The following LRMDA variants were observed in gnomAD, a reference collection of about 807,000 sequenced individuals.
The protein encoded by LRMDA is leucine-rich melanocyte differentiation-associated protein.
Under a neutral mutation model 29.8 loss-of-function variants are expected in LRMDA, and 18 were observed. The observed-to-expected ratio is 0.60, with a 90% CI of 0.42 to 0.90. LRMDA has a LOEUF of 0.90. LRMDA is among the 40% of genes least tolerant of loss of function. The pLI is 0.00. For synonymous variants in LRMDA, 125 were observed against 109.4 expected (o/e 1.14, Z -0.89); for missense variants, 273 against 273.9 (o/e 1.00, Z 0.02).
At chr10:75,535,115 T>C (rs1249919801) in intron 2 of LRMDA, among the ~76,000 whole-genome samples, 1 of 152,188 alleles carries the variant, frequency 6.6e-6, no homozygotes, top group African/African-American at 2.4e-5. Flanking sequence ...GACAGTTCTT[T>C]TTATCTTCTA....
chr10:76,399,752 C>T (rs1237088570), intron 6 of LRMDA, among the ~76,000 whole-genome samples: 1 of 152,128 alleles, frequency 6.6e-6, no homozygotes, highest in Non-Finnish European at 1.5e-5. Context: ...TTATTTTCTC[C>T]CTTGTCTTTA....
At chr10:75,736,039 C>T (rs1589178134) in intron 2 of LRMDA, among the ~76,000 whole-genome samples, 1 of 152,272 alleles carries the variant, frequency 6.6e-6, no homozygotes, top group African/African-American at 2.4e-5. Context: ...GGATAGGATA[C>T]ATCAGCTTCT....
rs532890380 is a variant in LRMDA, at chr10:75,503,187, T to G, written c.131+64693T>G. On this transcript the variant is annotated intron_variant, in intron 2 of 6. Transcript: ENST00000611255. ...GCCCACTGTTAGTTGATAGCCTGTT[T>G]TTTTTTTTTTTATTATTACAGGTAC... Among the ~76,000 whole-genome samples the G allele has an allele frequency of 3.3e-5, 5 of 152,144 alleles. No individual in the cohort carries two copies. The East Asian group carries it at 7.7e-4, about 23-fold the overall frequency.
chr10:76,263,565 G>T (rs1323748922), intron 5 of LRMDA, among the ~76,000 whole-genome samples: 1 of 152,128 alleles, frequency 6.6e-6, no homozygotes, highest in African/African-American at 2.4e-5. Flanking sequence ...ATCTCACATA[G>T]TTACGAAGTT....
rs148397748 is a variant in LRMDA, at chr10:75,506,628, G to A, written c.131+68134G>A. ...TGGTCCCCAATTGGGTTGGTTGTAG[G>A]CTTGGTGGAGAGACATGGACCATGC... On this transcript the variant is annotated intron_variant, in intron 2 of 6. Coordinates refer to ENST00000611255, the MANE Select transcript of LRMDA (RefSeq NM_001305581.2). Among the ~76,000 whole-genome samples the A allele has an allele frequency of 6.7e-3, 1,024 of 152,272 alleles. 5 individuals carry two copies. Among genetic ancestry groups the A allele is most frequent in the Non-Finnish European group, 0.011 (782 of 68,020 alleles).
At chr10:76,405,572 G>A (rs1169567400) in intron 6 of LRMDA, among the ~76,000 whole-genome samples, 1 of 152,168 alleles carries the variant, frequency 6.6e-6, no homozygotes, top group Non-Finnish European at 1.5e-5. Context: ...TGATTGACTG[G>A]TGGTATCTTT....
At chr10:76,006,737 T>C (rs1847669709) in intron 2 of LRMDA, among the ~76,000 whole-genome samples, 1 of 152,098 alleles carries the variant, frequency 6.6e-6, no homozygotes, top group South Asian at 2.1e-4. Flanking sequence ...GAATCGAAAT[T>C]ATTAGCAGCC....
At chr10:75,604,086 G>A (rs1180053672) in intron 2 of LRMDA, among the ~76,000 whole-genome samples, 1 of 151,862 alleles carries the variant, frequency 6.6e-6, no homozygotes, top group Non-Finnish European at 1.5e-5. Context: ...TTTTATATCA[G>A]TTGGATTGTG....
At chr10:76,288,410 G>T (rs1840298968) in intron 5 of LRMDA, among the ~76,000 whole-genome samples, 1 of 152,148 alleles carries the variant, frequency 6.6e-6, no homozygotes, top group Non-Finnish European at 1.5e-5. Context: ...ACAGTAGACT[G>T]GATAAAGAAA....
intron 5 of LRMDA, among the ~76,000 whole-genome samples, chr10:76,064,496 G>T (rs1269084342): frequency 6.6e-6 from 1 of 152,126 alleles, no homozygotes; most frequent in African/African-American, 2.4e-5. Context: ...CGCCGCTATT[G>T]TATTTTTTGT....
intron 2 of LRMDA, among the ~76,000 whole-genome samples, chr10:75,732,405 A>G (rs918616849): frequency 6.6e-6 from 1 of 152,224 alleles, no homozygotes; most frequent in Non-Finnish European, 1.5e-5. Context: ...CCCCTATACC[A>G]TATGTCTAAG....
intron 5 of LRMDA, among the ~76,000 whole-genome samples, chr10:76,119,331 G>C: frequency 6.6e-6 from 1 of 152,124 alleles, no homozygotes; most frequent in East Asian, 1.9e-4. Flanking sequence ...TGCTTCTGCT[G>C]CTGAGGCTGG....
At chr10:76,061,963 G>A (rs541515709) in intron 5 of LRMDA, among the ~76,000 whole-genome samples, 1 of 152,270 alleles carries the variant, frequency 6.6e-6, no homozygotes, top group Admixed American at 6.5e-5. Context: ...AAAAAGGCTG[G>A]TTCTCACCTG....
intron 2 of LRMDA, among the ~76,000 whole-genome samples, chr10:75,519,989 G>T (rs1355841152): frequency 6.6e-6 from 1 of 152,166 alleles, no homozygotes; most frequent in Non-Finnish European, 1.5e-5. Context: ...TTTTCTTTAA[G>T]AATGTTGAAT....
At chr10:75,687,767 C>T (rs890228440) in intron 2 of LRMDA, among the ~76,000 whole-genome samples, 8 of 152,304 alleles carry the variant, frequency 5.3e-5, no homozygotes, top group South Asian at 2.1e-4. Context: ...GGCTTCAAAG[C>T]ATCAGAGGAC....
At chr10:75,740,290 G>A (rs901084555) in intron 2 of LRMDA, among the ~76,000 whole-genome samples, 4 of 152,192 alleles carry the variant, frequency 2.6e-5, no homozygotes, top group African/African-American at 9.7e-5. Context: ...GAGGGGCAGC[G>A]GCCTGGCAGG....
intron 2 of LRMDA, among the ~76,000 whole-genome samples, chr10:75,700,618 G>T (rs1233698082): frequency 1.3e-5 from 2 of 151,978 alleles, no homozygotes; most frequent in Non-Finnish European, 2.9e-5. Flanking sequence ...TGGTACAATG[G>T]TGTAGATAAT....
At chr10:76,344,941 CATAAG>C (rs1302320121) in intron 6 of LRMDA, among the ~76,000 whole-genome samples, 2 of 145,990 alleles carry the variant, frequency 1.4e-5, no homozygotes, top group East Asian at 2.0e-4. Context: ...GAAAAAAAAG[CATAAG>C]ATAACTCATA....
At chr10:76,029,621 A>G (rs374851489) in intron 2 of LRMDA, among the ~76,000 whole-genome samples, 74 of 152,292 alleles carry the variant, frequency 4.9e-4, no homozygotes, top group African/African-American at 1.7e-3. Flanking sequence ...TTTTCAAGTA[A>G]CATTAACTCC....
Sources: gnomAD v4.1 joint callset for allele counts (sites outside exome capture counted in the v4.1 genomes callset) on GRCh38, gnomAD v4.1.1 for gene constraint, MANE v1.5 for transcripts, NCBI Gene and HGNC (gene_info 2026-07-23, HGNC 2026-07-21) for gene names.